CYP39A1: variants seen among roughly 807,000 people sequenced by gnomAD.
The protein encoded by CYP39A1 is 24-hydroxycholesterol 7-alpha-hydroxylase.
A neutral mutation model predicts 58.1 loss-of-function variants in CYP39A1; 49 were observed. That is an observed-to-expected ratio of 0.84 (90% CI 0.67 to 1.07). The LOEUF (loss-of-function observed/expected upper bound fraction) is 1.07, where lower values mean the gene tolerates loss of function less well. CYP39A1 is among the 50% of genes least tolerant of loss of function. CYP39A1 has a pLI of 0.00. For missense variants in CYP39A1, 531 were observed against 539.4 expected, an observed-to-expected ratio of 0.98 and a Z score of 0.16; for synonymous variants, 209 against 187.6, an observed-to-expected ratio of 1.11 and a Z score of -0.93.
In CYP39A1 at chr6:46,631,044, A is replaced by G; in HGVS notation, c.759T>C (p.Ile253=). 1.2e-6 allele frequency: 2 copies of G among 1,613,996 alleles called. No individual in the cohort carries two copies. The highest frequency in any genetic ancestry group is 1.3e-5 in the African/African-American group (1 of 75,018). The part of the protein sequence containing the change: ...SMTLLQATLD[I]VETETSKENS... ...TTTCCTTACTTGTTTCCGTCTCTACAATATCCAGCGTAGCTTGCAATAATG... is the reference window on the plus strand; with the variant it reads ...TTTCCTTACTTGTTTCCGTCTCTACGATATCCAGCGTAGCTTGCAATAATG... The change falls in exon 6 of 12, where the codon ATT becomes ATC. Residue 253 remains isoleucine, a synonymous_variant. Coordinates refer to ENST00000275016, the MANE Select transcript of CYP39A1 (RefSeq NM_016593.5).
intron 7 of CYP39A1, among the ~76,000 whole-genome samples, chr6:46,608,430 G>GA (rs1024498301): frequency 1.3e-5 from 2 of 151,828 alleles, no homozygotes; most frequent in African/African-American, 4.8e-5. Context: ...TCTAGAGTGG[G>GA]AAAAAAGAGA....
chr6:46,557,337 G>T (rs1257265564), intron 10 of CYP39A1, among the ~76,000 whole-genome samples: 2 of 151,546 alleles, frequency 1.3e-5, no homozygotes, highest in East Asian at 2.0e-4. Context: ...CCAAGCAGAA[G>T]AAATATAAAG....
At chr6:46,578,432 C>T (rs1250157740) in intron 10 of CYP39A1, among the ~76,000 whole-genome samples, 19 of 151,490 alleles carry the variant, frequency 1.3e-4, no homozygotes, top group Admixed American at 8.5e-4. Context: ...CTGGAGTTGA[C>T]CAAAACTGAG....
At chr6:46,609,735 G>T (rs1314975580) in intron 7 of CYP39A1, among the ~76,000 whole-genome samples, 1 of 152,136 alleles carries the variant, frequency 6.6e-6, no homozygotes, top group Non-Finnish European at 1.5e-5. Context: ...AGCTTACTGT[G>T]CTGAGAGACC....
chr6:46,589,323 T>C (rs1357975905), intron 8 of CYP39A1, among the ~76,000 whole-genome samples: 1 of 151,946 alleles, frequency 6.6e-6, no homozygotes, highest in Non-Finnish European at 1.5e-5. Context: ...GGGATGATGG[T>C]GCACCTGTAG....
chr6:46,609,381 C>A (rs1208890521), intron 7 of CYP39A1, among the ~76,000 whole-genome samples: 2 of 148,490 alleles, frequency 1.3e-5, no homozygotes, highest in East Asian at 4.0e-4. Flanking sequence ...CGCGCCACTG[C>A]ACTCCAGCCT....
chr6:46,587,599 C>T (rs2150511291), intron 9 of CYP39A1, among the ~76,000 whole-genome samples: 1 of 152,260 alleles, frequency 6.6e-6, no homozygotes, highest in South Asian at 2.1e-4. Context: ...AGAGAACAGA[C>T]TAAATGACCT....
At chr6:46,582,362 A>G (rs1772178525) in intron 10 of CYP39A1, among the ~76,000 whole-genome samples, 1 of 152,158 alleles carries the variant, frequency 6.6e-6, no homozygotes, top group Admixed American at 6.5e-5. Context: ...TATATAAGGC[A>G]CAGCTTTTAA....
At chr6:46,604,366 T>C (rs1273763222) in intron 7 of CYP39A1, among the ~76,000 whole-genome samples, 2 of 151,620 alleles carry the variant, frequency 1.3e-5, no homozygotes, top group Non-Finnish European at 2.9e-5. Flanking sequence ...CTAGTGCTTT[T>C]TCCTTGAGGT....
chr6:46,571,611 C>T (rs1276674700), intron 10 of CYP39A1, among the ~76,000 whole-genome samples: 3 of 151,216 alleles, frequency 2.0e-5, no homozygotes, highest in Non-Finnish European at 4.4e-5. Flanking sequence ...TATATGTGTC[C>T]TCAAGGGAGC....
At chr6:46,612,368 A>G (rs1469669036) in intron 7 of CYP39A1, among the ~76,000 whole-genome samples, 1 of 152,218 alleles carries the variant, frequency 6.6e-6, no homozygotes, top group African/African-American at 2.4e-5. Context: ...TTCCAAAATG[A>G]CATCATCCTG....
At chr6:46,592,453 T>C (rs1772895850) in intron 8 of CYP39A1, among the ~76,000 whole-genome samples, 1 of 152,132 alleles carries the variant, frequency 6.6e-6, no homozygotes, top group Non-Finnish European at 1.5e-5. Context: ...AAGAACCAAA[T>C]TGTATGAATT....
chr6:46,639,367 C>A, intron 3 of CYP39A1, 127 bp downstream of exon 3: 1 of 848,146 alleles, frequency 1.2e-6, no homozygotes, highest in Non-Finnish European at 1.8e-6. Context: ...TTAAAATAAT[C>A]TCTTAATAGC....
intron 7 of CYP39A1, among the ~76,000 whole-genome samples, chr6:46,606,748 A>G (rs1429973943): frequency 1.3e-5 from 2 of 152,204 alleles, no homozygotes; most frequent in Non-Finnish European, 2.9e-5. Flanking sequence ...AACATTATAC[A>G]TAGTTTTAGG....
intron 7 of CYP39A1, among the ~76,000 whole-genome samples, chr6:46,604,687 TAAG>T (rs2150537285): frequency 6.6e-6 from 1 of 152,334 alleles, no homozygotes; most frequent in Admixed American, 6.5e-5. Flanking sequence ...AGTTTGGTAA[TAAG>T]AACTGGCTTT....
intron 10 of CYP39A1, chr6:46,583,656 G>A (rs1024439040): frequency 1.9e-5 from 18 of 939,184 alleles, no homozygotes; most frequent in East Asian, 2.3e-4. Context: ...TTTCTTCCAT[G>A]TGCTACAAGG....
intron 10 of CYP39A1, among the ~76,000 whole-genome samples, chr6:46,567,106 G>A (rs544777784): frequency 6.6e-5 from 10 of 152,082 alleles, no homozygotes; most frequent in Admixed American, 1.3e-4. Context: ...TATTAATCTT[G>A]TAACTGAAAG....
At chr6:46,570,411 T>C (rs1030891236) in intron 10 of CYP39A1, among the ~76,000 whole-genome samples, 1 of 152,198 alleles carries the variant, frequency 6.6e-6, no homozygotes, top group African/African-American at 2.4e-5. Context: ...CCTTGAGGTG[T>C]AAATTTACAT....
intron 1 of CYP39A1, among the ~76,000 whole-genome samples, chr6:46,651,562 C>T (rs932506642): frequency 6.6e-6 from 1 of 151,994 alleles, no homozygotes; most frequent in Non-Finnish European, 1.5e-5. Flanking sequence ...TTTTTATTTT[C>T]ATCTTAGTTC....
Sources: gnomAD v4.1 joint callset for allele counts (sites outside exome capture counted in the v4.1 genomes callset) on GRCh38, gnomAD v4.1.1 for gene constraint, MANE v1.5 for transcripts, NCBI Gene and HGNC (gene_info 2026-07-23, HGNC 2026-07-21) for gene names.